The following BABAM2 variants were observed in gnomAD, a reference collection of about 807,000 sequenced individuals.
BABAM2 encodes the protein BRISC and BRCA1-A complex member 2.
In BABAM2, 31 loss-of-function variants were observed where a neutral mutation model predicts 54.7. The ratio of observed to expected loss-of-function variants is 0.57; its 90% CI spans 0.43 to 0.77. The LOEUF (loss-of-function observed/expected upper bound fraction) is 0.77. BABAM2 is among the 30% of genes least tolerant of loss of function. The pLI, the probability that BABAM2 is intolerant of heterozygous loss-of-function variation, is 0.00. For synonymous variants in BABAM2, 167 were observed against 162.9 expected (o/e 1.03, Z -0.19); for missense variants, 364 against 455.8 (o/e 0.80, Z 1.83).
At chr2:28,020,639 T>A (rs1675174824) in intron 4 of BABAM2, among the ~76,000 whole-genome samples, 3 of 152,268 alleles carry the variant, frequency 2.0e-5, no homozygotes, top group Admixed American at 1.3e-4. Flanking sequence ...GTATTTTCTG[T>A]GTTATTGCAA....
chr2:28,234,828 C>A (rs932551436), intron 7 of BABAM2, among the ~76,000 whole-genome samples: 2 of 152,164 alleles, frequency 1.3e-5, no homozygotes, highest in African/African-American at 4.8e-5. Flanking sequence ...TTTGTGCATA[C>A]ACAAAGAGGA....
At chr2:28,293,277 T>C (rs1450833128) in intron 10 of BABAM2, among the ~76,000 whole-genome samples, 1 of 152,150 alleles carries the variant, frequency 6.6e-6, no homozygotes, top group Non-Finnish European at 1.5e-5. Flanking sequence ...CATTTTTCCA[T>C]TGTTGAGGTG....
At chr2:28,315,321 T>C (rs1246367160) in intron 11 of BABAM2, among the ~76,000 whole-genome samples, 2 of 152,204 alleles carry the variant, frequency 1.3e-5, no homozygotes, top group Non-Finnish European at 2.9e-5. Context: ...GCTGAAATGA[T>C]TGTAAAATGC....
At chr2:28,055,195 A>C (rs996143300) in intron 6 of BABAM2, among the ~76,000 whole-genome samples, 2 of 152,308 alleles carry the variant, frequency 1.3e-5, no homozygotes, top group South Asian at 2.1e-4. Flanking sequence ...TCTTACTCAT[A>C]AGTGGGAGCT....
In BABAM2 at chr2:28,007,046, A is replaced by G. The variant is rs150118662; in HGVS notation, c.301-18180A>G. Among the ~76,000 whole-genome samples the G allele has an allele frequency of 9.3e-3, 1,418 of 151,702 alleles. 11 individuals are homozygous for G. Among genetic ancestry groups the G allele is most frequent in the Non-Finnish European group, 0.015 (1,039 of 67,762 alleles). On this transcript the variant is annotated intron_variant, in intron 4 of 11. Coordinates refer to ENST00000379624, the MANE Select transcript of BABAM2 (RefSeq NM_199191.3). ...GAACATAATTTGATCTTTTTTTTTG[A>G]TGGTTTGGAAGCATTTAAGAGACTT...
intron 3 of BABAM2, among the ~76,000 whole-genome samples, chr2:27,977,208 A>G (rs775322291): frequency 2.0e-5 from 3 of 152,156 alleles, no homozygotes; most frequent in Non-Finnish European, 4.4e-5. Context: ...TTAAGTTCAT[A>G]TTATTATTGG....
At chr2:27,893,170 G>A (rs781631584) in intron 1 of BABAM2, among the ~76,000 whole-genome samples, 5 of 152,112 alleles carry the variant, frequency 3.3e-5, no homozygotes, top group Non-Finnish European at 7.4e-5. Flanking sequence ...TTAAAATTGA[G>A]GAAGGAAACG....
In BABAM2 at chr2:28,250,685, C is replaced by T. The variant is rs544643930; in HGVS notation, c.934+5823C>T. Among the ~76,000 whole-genome samples, 25 of 151,342 alleles carry T rather than the reference C, an allele frequency of 1.7e-4. No individual in the cohort carries two copies. In the South Asian group the frequency reaches 4.8e-3, roughly 29 times the overall value. On this transcript the variant is annotated intron_variant, in intron 10 of 11. Transcript: ENST00000379624. ...CACGATCTCAGCTCACAGCAACCTC[C>T]GCCTCCCAGGTTCAAGCAATTCTCC...
intron 2 of BABAM2, among the ~76,000 whole-genome samples, chr2:27,924,903 A>G (rs370522696): frequency 1.8e-3 from 274 of 152,330 alleles, no homozygotes; most frequent in Non-Finnish European, 3.2e-3. Context: ...AGAATGTAAC[A>G]TATCTTAAAT....
chr2:27,939,941 T>C (rs1668751946), intron 3 of BABAM2, among the ~76,000 whole-genome samples: 1 of 152,212 alleles, frequency 6.6e-6, no homozygotes, highest in South Asian at 2.1e-4. Context: ...ACATTAGGAA[T>C]GATATTATTG....
chr2:28,016,221 A>T, intron 4 of BABAM2: 2 of 956,856 alleles, frequency 2.1e-6, no homozygotes, highest in Non-Finnish European at 3.3e-6. Flanking sequence ...CTTTTTTTGG[A>T]TGAGCTCTCA....
intron 7 of BABAM2, among the ~76,000 whole-genome samples, chr2:28,176,896 A>G (rs1675065140): frequency 6.6e-6 from 1 of 151,802 alleles, no homozygotes; most frequent in African/African-American, 2.4e-5. Context: ...AACAAAGTGT[A>G]TATGACATAT....
intron 10 of BABAM2, among the ~76,000 whole-genome samples, chr2:28,253,763 G>T (rs1029352919): frequency 5.9e-5 from 9 of 152,198 alleles, no homozygotes; most frequent in Non-Finnish European, 1.3e-4. Flanking sequence ...AGGTCAGAGA[G>T]ATATGGAGAC....
chr2:27,974,122 AC>A (rs1413044826), intron 3 of BABAM2, among the ~76,000 whole-genome samples: 8 of 152,206 alleles, frequency 5.3e-5, no homozygotes, highest in African/African-American at 1.9e-4. Flanking sequence ...AACATTTAAG[AC>A]AAAAAGTCAC....
In BABAM2 at chr2:28,045,715, C is replaced by G. The variant is rs1677504923; in HGVS notation, c.496-10C>G. The stretch of plus-strand genomic sequence containing the variant: ...ATTTTAATCTTATTATTATAACTTT[C>G]TTTTTACAGACTGGTGAATTTTCAG... On this transcript the variant is annotated splice_polypyrimidine_tract_variant and intron_variant, in intron 5 of 11. Coordinates refer to ENST00000379624, the MANE Select transcript of BABAM2 (RefSeq NM_199191.3). 1 of 1,605,738 alleles carries G rather than the reference C, an allele frequency of 6.2e-7. No individual in the cohort carries two copies. Among genetic ancestry groups the G allele is most frequent in the Non-Finnish European group, 8.5e-7 (1 of 1,174,514 alleles).
rs766228855 is a variant in BABAM2, at chr2:28,025,317, G to A, written c.392G>A (p.Arg131His). The A allele has an allele frequency of 2.0e-5, 33 of 1,612,814 alleles. No homozygotes were observed. The highest frequency in any genetic ancestry group is 5.0e-5 in the Admixed American group (3 of 59,688). ...VQQYHQFQCSRLRESSRLMFE... is the reference protein window; with the variant it reads ...VQQYHQFQCSHLRESSRLMFE... ...CAATATCACCAATTCCAATGTAGCC[G>A]CCTCCGGGAGAGCTCCCGCCTCATG... The change falls in exon 5 of 12, where the codon CGC (arginine) becomes CAC (histidine). Residue 131 changes from arginine (R) to histidine (H), a missense_variant. Arg to His is a conservative substitution (Grantham distance 29). Transcript: ENST00000379624.
At chr2:28,229,651 C>T (rs556478643) in intron 7 of BABAM2, among the ~76,000 whole-genome samples, 1 of 151,080 alleles carries the variant, frequency 6.6e-6, no homozygotes, top group South Asian at 2.1e-4. Context: ...GTGGCACAAT[C>T]TCATCTCACT....
intron 6 of BABAM2, among the ~76,000 whole-genome samples, chr2:28,092,640 C>T (rs1666247351): frequency 6.6e-6 from 1 of 152,148 alleles, no homozygotes; most frequent in Non-Finnish European, 1.5e-5. Context: ...TGCTTTGAAA[C>T]AGAAGCCTGG....
chr2:28,203,147 T>A (rs932893114), intron 7 of BABAM2, among the ~76,000 whole-genome samples: 2 of 152,240 alleles, frequency 1.3e-5, no homozygotes, highest in African/African-American at 4.8e-5. Context: ...TTAATTTACT[T>A]CTTTTAGTCC....
Sources: allele counts gnomAD v4.1 joint callset (sites outside exome capture counted in the v4.1 genomes callset), GRCh38; gene constraint gnomAD v4.1.1; transcripts MANE v1.5; gene names NCBI Gene and HGNC (gene_info 2026-07-23, HGNC 2026-07-21).